The following PTPRF variants were observed in gnomAD, a reference collection of about 807,000 sequenced individuals.
The protein encoded by PTPRF is protein tyrosine phosphatase receptor type F.
In PTPRF, 59 loss-of-function variants were observed where a neutral mutation model predicts 201.8. That is an observed-to-expected ratio of 0.29 (90% CI 0.24 to 0.36). The LOEUF (loss-of-function observed/expected upper bound fraction) is 0.36, where lower values mean the gene tolerates loss of function less well. PTPRF is among the 10% of genes least tolerant of loss of function. The pLI is 1.00. For missense variants in PTPRF, 2,132 were observed against 2,690.5 expected (o/e 0.79, Z 4.59); for synonymous variants, 1,088 against 1,089.7 (o/e 1.00, Z 0.03).
intron 6 of PTPRF, among the ~76,000 whole-genome samples, chr1:43,570,331 G>A (rs552277666): frequency 1.3e-5 from 2 of 152,370 alleles, no homozygotes; most frequent in East Asian, 3.9e-4. Context: ...TCGTGCAGGA[G>A]GGAGGTGTCA....
At chr1:43,604,274 A>G (rs973396980) in intron 16 of PTPRF, 85 bp downstream of exon 16, 1 of 1,376,408 alleles carries the variant, frequency 7.3e-7, no homozygotes, top group Non-Finnish European at 9.9e-7. Context: ...ACCTCTGGCG[A>G]CTGTGATCCA....
At chr1:43,564,058 T>C (rs537735942) in intron 5 of PTPRF, among the ~76,000 whole-genome samples, 78 of 152,218 alleles carry the variant, frequency 5.1e-4, no homozygotes, top group African/African-American at 1.8e-3. Flanking sequence ...AAAACAGGCT[T>C]TTAAGATGCC....
chr1:43,533,520 A>G (rs754576964), intron 1 of PTPRF, among the ~76,000 whole-genome samples: 6 of 152,068 alleles, frequency 3.9e-5, no homozygotes, highest in Non-Finnish European at 8.8e-5. Flanking sequence ...CTCCTGCAGT[A>G]GAGGGGTTGT....
Position 43,537,024 on chromosome 1 carries a change from G to A in PTPRF, c.-125-1174G>A, listed in dbSNP as rs1461659306. 2.0e-5 allele frequency among the ~76,000 whole-genome samples: 3 copies of A among 152,208 alleles called. No homozygotes were observed. The highest frequency in any genetic ancestry group is 4.8e-5 in the African/African-American group (2 of 41,450). ...ACCACCCTCCCACTGTGGTTTCTTTGTGTCCGTTATAGGAGGAGCCAAGGT... is the reference window on the plus strand; with the variant it reads ...ACCACCCTCCCACTGTGGTTTCTTTATGTCCGTTATAGGAGGAGCCAAGGT... On this transcript the variant is annotated intron_variant, in intron 1 of 33. Transcript: ENST00000359947. The surrounding 1 kb of genome is among the most constrained non-coding windows in gnomAD (Gnocchi z 4.8).
chr1:43,589,868 A>G (rs1293435790), intron 8 of PTPRF, among the ~76,000 whole-genome samples: 2 of 134,440 alleles, frequency 1.5e-5, no homozygotes, highest in African/African-American at 6.0e-5. Flanking sequence ...AGACCCTATG[A>G]AAAAAAAAAA....
rs531714821 is a variant in PTPRF at position 43,591,498 on chromosome 1, C to G, written c.1476C>G (p.Thr492=). ...ITYSLRVLAF[T]AVGDGPPSPT... ...ACAGCCTGCGCGTGCTTGCCTTCAC[C>G]GCCGTGGGCGATGGCCCTCCCAGCC... Residue 492 remains threonine (T), a synonymous_variant, in exon 9 of 34, where the codon ACC becomes ACG. Transcript: ENST00000359947. 4 of 1,600,590 alleles carry G rather than the reference C, an allele frequency of 2.5e-6. No homozygotes were observed. In the African/African-American group the frequency reaches 5.3e-5, roughly 21 times the overall value.
chr1:43,535,075 G>A (rs1643921901), intron 1 of PTPRF, among the ~76,000 whole-genome samples: 1 of 152,082 alleles, frequency 6.6e-6, no homozygotes. Context: ...TCCCATCAGG[G>A]GTCACATGAG....
chr1:43,550,017 C>CA (rs1644918254), intron 3 of PTPRF, among the ~76,000 whole-genome samples: 2 of 152,306 alleles, frequency 1.3e-5, no homozygotes, highest in South Asian at 4.1e-4. Context: ...ACATAAGGGG[C>CA]AACGCCTTGT....
rs896296710 is a variant in PTPRF at position 43,603,930 on chromosome 1, A to G, written c.2778A>G (p.Gly926=). 2 of 1,614,134 alleles carry G rather than the reference A, an allele frequency of 1.2e-6. No individual in the cohort carries two copies. The highest frequency in any genetic ancestry group is 1.7e-6 in the Non-Finnish European group (2 of 1,180,048). ...TCCCCCAAAACCTGCATGTGACAGG[A>G]CTGACCACGTCTACCACAGAACTGG... is the stretch of plus-strand genomic sequence containing the variant. ...SGFPQNLHVT[G]LTTSTTELAW... The change falls in exon 16 of 34, where the codon GGA becomes GGG. Residue 926 remains glycine (G), a synonymous_variant. Transcript: ENST00000359947. The surrounding 1 kb of genome is among the most constrained non-coding windows in gnomAD (Gnocchi z 5.8).
At chr1:43,608,379 T>G (rs780457160) in intron 21 of PTPRF, among the ~76,000 whole-genome samples, 7 of 152,118 alleles carry the variant, frequency 4.6e-5, no homozygotes, top group Non-Finnish European at 1.0e-4. Flanking sequence ...CCCCTCTACT[T>G]CTAATCCTTG....
chr1:43,579,551 T>C, intron 7 of PTPRF: 1 of 297,774 alleles, frequency 3.4e-6, no homozygotes, highest in Middle Eastern at 1.2e-3. Flanking sequence ...GAGTGGACAG[T>C]GTGCTTTCTG....
intron 11 of PTPRF, among the ~76,000 whole-genome samples, chr1:43,593,177 C>G (rs938951648): frequency 7.7e-5 from 11 of 142,978 alleles, no homozygotes; most frequent in African/African-American, 2.7e-4. Context: ...GTGCAGGGGA[C>G]TGTCTGCAAG....
At chr1:43,538,139 A>G (rs530062968) in intron 1 of PTPRF, 59 bp from the exon 2 acceptor site, 16 of 398,490 alleles carry the variant, frequency 4.0e-5, no homozygotes, top group Non-Finnish European at 6.2e-5. Context: ...TTCTGTGTCA[A>G]TACATATGCT....
rs1356523704 is a variant in PTPRF, at chr1:43,620,090, C to T, written c.5112-5C>T. On this transcript the variant is annotated splice_region_variant and splice_polypyrimidine_tract_variant and intron_variant, in intron 29 of 33. Coordinates refer to ENST00000359947, the MANE Select transcript of PTPRF (RefSeq NM_002840.5). ...CCAGCATGTCCAGTCTTATGTCCAC[C>T]CCAGACAGCAGAAGGCCTACATAGC... The T allele has an allele frequency of 6.2e-7, 1 of 1,613,972 alleles. No homozygotes were observed. The highest frequency in any genetic ancestry group is 1.7e-5 in the Admixed American group (1 of 60,002).
chr1:43,607,154 T>C (rs373655254), intron 21 of PTPRF, among the ~76,000 whole-genome samples, 186 bp downstream of exon 21: 5 of 152,276 alleles, frequency 3.3e-5, no homozygotes, highest in Non-Finnish European at 7.4e-5. Context: ...CCTGCATCTG[T>C]CAGGTGAGGG....
chr1:43,619,731 C>T lies in PTPRF; in HGVS notation c.4984C>T (p.Pro1662Ser), dbSNP rs565463212. ...GTCCCGCTTCATCAGCGCCAACCTG[C>T]CCTGCAACAAGTTCAAGAACCGGCT... is the stretch of plus-strand genomic sequence containing the variant. ...HTSRFISANL[P>S]CNKFKNRLVN... The change falls in exon 29 of 34, where the codon CCC (proline) becomes TCC (serine). Residue 1662 changes from proline to serine, a missense_variant. By Grantham distance (74) the Pro-to-Ser change is moderately conservative (BLOSUM62 -1). This residue lies in a region of PTPRF where 519 missense variants were observed against 659.5 expected (regional missense o/e 0.79). Transcript: ENST00000359947. The T allele has an allele frequency of 6.2e-6, 10 of 1,614,258 alleles. No homozygotes were observed. The South Asian group carries it at 1.1e-4, about 18-fold the overall frequency.
At chr1:43,609,253 C>A in intron 21 of PTPRF, 130 bp from the exon 22 acceptor site, 1 of 700,778 alleles carries the variant, frequency 1.4e-6, no homozygotes, top group Non-Finnish European at 2.4e-6. Flanking sequence ...GCTCAGAGAT[C>A]CTGGGAAGAG....
chr1:43,617,270 G>T (rs755266650), intron 23 of PTPRF, among the ~76,000 whole-genome samples, 175 bp from the exon 24 acceptor site: 1 of 152,078 alleles, frequency 6.6e-6, no homozygotes, highest in Non-Finnish European at 1.5e-5. Flanking sequence ...TTTTCTGATA[G>T]GTGATGTGGC....
chr1:43,612,705 A>G, intron 22 of PTPRF: 1 of 1,308,352 alleles, frequency 7.6e-7, no homozygotes, highest in Non-Finnish European at 1.0e-6. Context: ...AGAAAAAGTT[A>G]ACGGGCTTTC....
Sources: allele counts gnomAD v4.1 joint callset (sites outside exome capture counted in the v4.1 genomes callset), GRCh38; gene constraint gnomAD v4.1.1; regional missense constraint gnomAD v4.1.1; non-coding constraint Gnocchi (gnomAD v3.1); transcripts MANE v1.5; gene names NCBI Gene and HGNC (gene_info 2026-07-23, HGNC 2026-07-21).